Variants in LRFN5 observed in about 807,000 individuals in gnomAD.
The protein encoded by LRFN5 is leucine rich repeat and fibronectin type III domain containing 5, also known as leucine-rich repeat and fibronectin type-III domain-containing protein 5.
A neutral mutation model predicts 45.6 loss-of-function variants in LRFN5; 24 were observed. The observed-to-expected ratio is 0.53, with a 90% CI of 0.38 to 0.74. The LOEUF (loss-of-function observed/expected upper bound fraction) is 0.74, where lower values mean the gene tolerates loss of function less well. LRFN5 is among the 30% of genes least tolerant of loss of function. The pLI is 0.00. For missense variants in LRFN5, 776 were observed against 861.5 expected, an observed-to-expected ratio of 0.90 and a Z score of 1.24; for synonymous variants, 340 against 313.8, an observed-to-expected ratio of 1.08 and a Z score of -0.88.
intron 2 of LRFN5, among the ~76,000 whole-genome samples, chr14:41,861,605 C>T (rs1262370206): frequency 6.6e-6 from 1 of 152,094 alleles, no homozygotes; most frequent in African/African-American, 2.4e-5. Context: ...TGTTATTTAT[C>T]TCTGTATTTC....
At chr14:41,654,311 G>T (rs147326475) in intron 1 of LRFN5, among the ~76,000 whole-genome samples, 3 of 152,174 alleles carry the variant, frequency 2.0e-5, no homozygotes, top group African/African-American at 7.2e-5. Context: ...AAATGGAGAA[G>T]ACAATAGGTA....
chr14:41,839,052 C>T (rs996980097), intron 2 of LRFN5, among the ~76,000 whole-genome samples: 5 of 152,058 alleles, frequency 3.3e-5, no homozygotes, highest in Non-Finnish European at 4.4e-5. Flanking sequence ...TAAATTGTGT[C>T]TGTCTCCTCT....
intron 2 of LRFN5, among the ~76,000 whole-genome samples, chr14:41,858,070 A>G (rs991608205): frequency 2.6e-5 from 4 of 152,226 alleles, no homozygotes; most frequent in Non-Finnish European, 5.9e-5. Flanking sequence ...AAATGTTATT[A>G]TATTAAGAGA....
At chr14:41,683,891 C>T (rs921265161) in intron 1 of LRFN5, among the ~76,000 whole-genome samples, 5 of 152,074 alleles carry the variant, frequency 3.3e-5, no homozygotes, top group African/African-American at 1.2e-4. Context: ...TCTATAGATT[C>T]AGTGCAATCC....
chr14:41,783,953 C>T (rs1356766309), intron 2 of LRFN5, among the ~76,000 whole-genome samples: 1 of 152,118 alleles, frequency 6.6e-6, no homozygotes, highest in Non-Finnish European at 1.5e-5. Context: ...GTACCCAAAT[C>T]ATGAATATAC....
At chr14:41,754,411 C>T (rs991323639) in intron 1 of LRFN5, among the ~76,000 whole-genome samples, 24 of 151,780 alleles carry the variant, frequency 1.6e-4, no homozygotes, top group African/African-American at 4.4e-4. Flanking sequence ...TTTTTTGGTT[C>T]GTAAGCTATT....
At chr14:41,788,946 G>A (rs1488309999) in intron 2 of LRFN5, among the ~76,000 whole-genome samples, 1 of 151,836 alleles carries the variant, frequency 6.6e-6, no homozygotes, top group African/African-American at 2.4e-5. Flanking sequence ...GAACTTGAAA[G>A]GGTTGAGGAA....
At chr14:41,698,767 A>G (rs1566626365) in intron 1 of LRFN5, among the ~76,000 whole-genome samples, 2 of 152,054 alleles carry the variant, frequency 1.3e-5, no homozygotes, top group Admixed American at 6.6e-5. Context: ...TATTTAGCAA[A>G]TATGCTCTTT....
At position 41,633,121 on chromosome 14, in the gene LRFN5, T is replaced by A. The variant is rs779535353; in HGVS notation, c.-197+24559T>A. On this transcript the variant is annotated intron_variant, in intron 1 of 5. Coordinates refer to ENST00000298119, the MANE Select transcript of LRFN5 (RefSeq NM_152447.5). Reference sequence around the variant, plus strand: ...TTTCAGGATGTAAGTGGAAACCAAATGACAGTCTTAAACACAATACCTGTC... The same window carrying A: ...TTTCAGGATGTAAGTGGAAACCAAAAGACAGTCTTAAACACAATACCTGTC... Among the ~76,000 whole-genome samples, 154 of 152,176 alleles carry A rather than the reference T, an allele frequency of 1.0e-3. 1 individual carries two copies. Among genetic ancestry groups the A allele is most frequent in the Non-Finnish European group, 1.6e-3 (108 of 68,000 alleles).
At chr14:41,760,022 C>G (rs1885593552) in intron 1 of LRFN5, among the ~76,000 whole-genome samples, 1 of 152,130 alleles carries the variant, frequency 6.6e-6, no homozygotes, top group Non-Finnish European at 1.5e-5. Flanking sequence ...AACTGTAGTA[C>G]AATATCGCAA....
chr14:41,900,748 G>A (rs551640678), intron 5 of LRFN5, among the ~76,000 whole-genome samples: 2 of 151,946 alleles, frequency 1.3e-5, no homozygotes, highest in African/African-American at 2.4e-5. Context: ...CTTGATTCTC[G>A]GTAAATGATT....
At chr14:41,651,399 G>A (rs1880118852) in intron 1 of LRFN5, among the ~76,000 whole-genome samples, 1 of 152,098 alleles carries the variant, frequency 6.6e-6, no homozygotes, top group Admixed American at 6.6e-5. Flanking sequence ...CTGAGAAAAT[G>A]TATGTGAGCA....
chr14:41,858,297 G>A (rs1264566168), intron 2 of LRFN5, among the ~76,000 whole-genome samples: 1 of 152,116 alleles, frequency 6.6e-6, no homozygotes, highest in Non-Finnish European at 1.5e-5. Flanking sequence ...CCACCTTCGT[G>A]TAAAGGTGGC....
At chr14:41,899,023 T>C in intron 5 of LRFN5, 63 bp downstream of exon 5, 1 of 1,278,748 alleles carries the variant, frequency 7.8e-7, no homozygotes, top group South Asian at 1.4e-5. Flanking sequence ...TTTTATAAAT[T>C]AACTTTAAGT....
At chr14:41,817,272 G>A (rs770216856) in intron 2 of LRFN5, among the ~76,000 whole-genome samples, 4 of 151,848 alleles carry the variant, frequency 2.6e-5, no homozygotes, top group East Asian at 1.9e-4. Flanking sequence ...CAATTGAGTC[G>A]CATTCTGCTG....
At chr14:41,674,647 G>C (rs1223227378) in intron 1 of LRFN5, among the ~76,000 whole-genome samples, 2 of 149,784 alleles carry the variant, frequency 1.3e-5, no homozygotes, top group Non-Finnish European at 3.0e-5. Context: ...TGGCCAGGTG[G>C]GGGGCTGATC....
rs1882607180 is a variant in LRFN5 at position 41,696,319 on chromosome 14, A to G, written c.-196-70535A>G. Among the ~76,000 whole-genome samples the G allele has an allele frequency of 2.6e-5, 4 of 151,988 alleles. No individual in the cohort carries two copies. In the South Asian group the frequency reaches 8.3e-4, roughly 31 times the overall value. On this transcript the variant is annotated intron_variant, in intron 1 of 5. Coordinates refer to ENST00000298119, the MANE Select transcript of LRFN5 (RefSeq NM_152447.5). ...TTGTTGAAATGACAGTGGATACAGA[A>G]TGTTACATAAACTTATTTGATTAAA...
At position 41,878,047 on chromosome 14, in the gene LRFN5, T is replaced by A. The variant is rs143015502; in HGVS notation, c.-20-8559T>A. The stretch of plus-strand genomic sequence containing the variant: ...AATTTTAGAGGCTCAATAATAATAT[T>A]ATTAGTATGTATTTTAACGGAGAAT... On this transcript the variant is annotated intron_variant, in intron 2 of 5. Coordinates refer to ENST00000298119, the MANE Select transcript of LRFN5 (RefSeq NM_152447.5). Among the ~76,000 whole-genome samples the A allele has an allele frequency of 2.0e-3, 300 of 152,206 alleles. 3 individuals carry two copies. Among genetic ancestry groups the A allele is most frequent in the African/African-American group, 5.2e-3 (214 of 41,542 alleles).
intron 2 of LRFN5, among the ~76,000 whole-genome samples, chr14:41,800,120 G>C (rs1050570161): frequency 6.6e-6 from 1 of 151,954 alleles, no homozygotes; most frequent in Non-Finnish European, 1.5e-5. Context: ...TCCAAAATTT[G>C]ACACCTTACT....
Sources: gnomAD v4.1 joint callset for allele counts (sites outside exome capture counted in the v4.1 genomes callset) on GRCh38, gnomAD v4.1.1 for gene constraint, MANE v1.5 for transcripts, NCBI Gene and HGNC (gene_info 2026-07-23, HGNC 2026-07-21) for gene names.